B3GALT1: variants seen among roughly 807,000 people sequenced by gnomAD.
B3GALT1 encodes UDP-Gal:betaGlcNAc beta 1,3-galactosyltransferase, polypeptide 1.
A neutral mutation model predicts 23.2 loss-of-function variants in B3GALT1; 10 were observed. That is an observed-to-expected ratio of 0.43 (90% CI 0.27 to 0.73). The LOEUF is 0.73. B3GALT1 is among the 30% of genes least tolerant of loss of function. The probability of loss-of-function intolerance (pLI) is 0.21; values close to 1 mark genes in which losing one functional copy is unlikely to be tolerated. For missense variants in B3GALT1, 299 were observed against 405.4 expected, an observed-to-expected ratio of 0.74 and a Z score of 2.25; for synonymous variants, 156 against 141.5, an observed-to-expected ratio of 1.10 and a Z score of -0.73.
intron 2 of B3GALT1, among the ~76,000 whole-genome samples, chr2:167,544,750 A>C (rs1468966515): frequency 1.3e-5 from 2 of 152,106 alleles, no homozygotes; most frequent in East Asian, 3.9e-4. Context: ...TCTGACACCA[A>C]CCTGCAGCTA....
At chr2:167,671,737 A>C (rs1290363397) in intron 3 of B3GALT1, among the ~76,000 whole-genome samples, 1 of 152,112 alleles carries the variant, frequency 6.6e-6, no homozygotes, top group Non-Finnish European at 1.5e-5. Context: ...ATTAGGGAAA[A>C]AAAGAATAGA....
chr2:167,500,623 T>C (rs957397628), intron 2 of B3GALT1, among the ~76,000 whole-genome samples: 1 of 128,002 alleles, frequency 7.8e-6, no homozygotes, highest in Non-Finnish European at 1.6e-5. Flanking sequence ...CAGATAGAAC[T>C]TGACTTATAA....
In B3GALT1 at chr2:167,307,217, A is replaced by AT. The variant is rs1307988248; in HGVS notation, c.-511+13884dup. Among the ~76,000 whole-genome samples the AT allele has an allele frequency of 2.0e-5, 3 of 152,058 alleles. No homozygotes were observed. The East Asian group carries it at 5.8e-4, about 29-fold the overall frequency. ...TATACACGAGTTAATTTGAAGTGAA[A>AT]TAGGAAGAAACAGTGTGAAGTATAT... On this transcript the variant is annotated intron_variant, in intron 1 of 4. Transcript: ENST00000392690.
At chr2:167,787,855 C>A (rs1283636838) in intron 3 of B3GALT1, among the ~76,000 whole-genome samples, 1 of 152,162 alleles carries the variant, frequency 6.6e-6, no homozygotes, top group Non-Finnish European at 1.5e-5. Flanking sequence ...TTCAGGGGAT[C>A]CTGGGGATGC....
intron 3 of B3GALT1, among the ~76,000 whole-genome samples, chr2:167,772,082 G>A (rs34065175): frequency 0.45 from 68,626 of 151,582 alleles, 15,773 homozygotes; most frequent in East Asian, 0.57. Flanking sequence ...CTGACGGGGG[G>A]AATCCAAAAG....
chr2:167,612,538 A>G (rs575095708), intron 2 of B3GALT1, among the ~76,000 whole-genome samples: 2 of 151,944 alleles, frequency 1.3e-5, no homozygotes, highest in Admixed American at 6.6e-5. Context: ...ACTGAGCTGT[A>G]TACTTGATTT....
chr2:167,294,434 C>G (rs972405412), intron 1 of B3GALT1, among the ~76,000 whole-genome samples: 2 of 152,242 alleles, frequency 1.3e-5, no homozygotes, highest in Non-Finnish European at 2.9e-5. Flanking sequence ...GCTGCAAAGC[C>G]TTCCGCAGAA....
chr2:167,804,324 CT>C (rs58504746), intron 3 of B3GALT1, among the ~76,000 whole-genome samples: 38,270 of 147,672 alleles, frequency 0.26, 6,635 homozygotes, highest in African/African-American at 0.49. Flanking sequence ...TTGTTTTTTT[CT>C]TTTTTTTTTT....
At chr2:167,333,376 G>A (rs886455726) in intron 1 of B3GALT1, among the ~76,000 whole-genome samples, 1 of 152,198 alleles carries the variant, frequency 6.6e-6, no homozygotes, top group Non-Finnish European at 1.5e-5. Context: ...CTAACACCAG[G>A]AGAATTGGTC....
intron 1 of B3GALT1, among the ~76,000 whole-genome samples, chr2:167,452,469 G>A (rs889954257): frequency 2.6e-5 from 4 of 152,000 alleles, no homozygotes; most frequent in Admixed American, 2.6e-4. Context: ...GAACCTTCAG[G>A]TTCCCCAGTG....
intron 2 of B3GALT1, among the ~76,000 whole-genome samples, chr2:167,632,860 A>T (rs1301833789): frequency 6.6e-6 from 1 of 151,938 alleles, no homozygotes; most frequent in Non-Finnish European, 1.5e-5. Flanking sequence ...TTTAGTCATG[A>T]ATTCTTTGCC....
intron 3 of B3GALT1, among the ~76,000 whole-genome samples, chr2:167,695,608 T>G (rs1459801003): frequency 6.6e-6 from 1 of 152,172 alleles, no homozygotes; most frequent in African/African-American, 2.4e-5. Flanking sequence ...ATTTTCTTTC[T>G]CAACACAATT....
chr2:167,340,914 T>G (rs1219718026), intron 1 of B3GALT1, among the ~76,000 whole-genome samples: 19 of 152,104 alleles, frequency 1.2e-4, no homozygotes, highest in Non-Finnish European at 1.5e-5. Context: ...AAAATAGCTA[T>G]AATATTATGT....
intron 1 of B3GALT1, among the ~76,000 whole-genome samples, chr2:167,342,634 T>C (rs1251794484): frequency 1.3e-5 from 2 of 151,856 alleles, no homozygotes; most frequent in Non-Finnish European, 2.9e-5. Context: ...TTTACAATAC[T>C]GCTGGAAATG....
intron 3 of B3GALT1, among the ~76,000 whole-genome samples, chr2:167,706,872 C>T (rs1686974431): frequency 6.6e-6 from 1 of 152,210 alleles, no homozygotes; most frequent in South Asian, 2.1e-4. Flanking sequence ...CTGTCCAATC[C>T]TCTTGAACCT....
chr2:167,487,197 C>T (rs1444224742), intron 1 of B3GALT1, among the ~76,000 whole-genome samples: 3 of 152,140 alleles, frequency 2.0e-5, no homozygotes, highest in Non-Finnish European at 4.4e-5. Context: ...TGTTTCAAGT[C>T]CCACTTACTT....
At chr2:167,801,160 C>T (rs964502061) in intron 3 of B3GALT1, among the ~76,000 whole-genome samples, 12 of 152,158 alleles carry the variant, frequency 7.9e-5, no homozygotes, top group Non-Finnish European at 1.3e-4. Context: ...TGCAAACATC[C>T]GGGCCTGAGG....
intron 2 of B3GALT1, among the ~76,000 whole-genome samples, chr2:167,633,746 G>A (rs923378183): frequency 1.1e-4 from 16 of 151,934 alleles, no homozygotes; most frequent in African/African-American, 3.6e-4. Flanking sequence ...AATAATAGTG[G>A]GAGACTTTAA....
chr2:167,301,809 A>G (rs1251541951), intron 1 of B3GALT1, among the ~76,000 whole-genome samples: 1 of 152,182 alleles, frequency 6.6e-6, no homozygotes, highest in Non-Finnish European at 1.5e-5. Flanking sequence ...TGGGCCCCCC[A>G]AAGTGTTGGG....
Sources: gnomAD v4.1 joint callset for allele counts (sites outside exome capture counted in the v4.1 genomes callset) on GRCh38, gnomAD v4.1.1 for gene constraint, MANE v1.5 for transcripts, NCBI Gene and HGNC (gene_info 2026-07-23, HGNC 2026-07-21) for gene names.